TFAP2A: variants seen among roughly 807,000 people sequenced by gnomAD.
The protein encoded by TFAP2A is transcription factor AP-2 alpha, also known as transcription factor AP-2-alpha.
TFAP2A carries 7 observed loss-of-function variants against 41.5 expected under a neutral mutation model. The ratio of observed to expected loss-of-function variants is 0.17; its 90% CI spans 0.10 to 0.32. TFAP2A has a LOEUF of 0.32. Among genes scored for constraint, TFAP2A ranks in the 10% least tolerant of loss-of-function variants. The probability of loss-of-function intolerance (pLI) is 1.00; values close to 1 mark genes in which losing one functional copy is unlikely to be tolerated. For missense variants in TFAP2A, 416 were observed against 563.3 expected, an observed-to-expected ratio of 0.74 and a Z score of 2.65; for synonymous variants, 247 against 242.8, an observed-to-expected ratio of 1.02 and a Z score of -0.16.
At position 10,412,221 on chromosome 6, in the gene TFAP2A, G is replaced by A. The variant is rs541202974; in HGVS notation, c.52-1886C>T. 3.6e-4 allele frequency: 353 copies of A among 987,424 alleles called. 1 individual carries two copies. In the African/African-American group the frequency reaches 5.8e-3, roughly 16 times the overall value. The allele number at this position is 987,424 out of a possible 1,614,324, so 61.2% of individuals were successfully genotyped here. On this transcript the variant is annotated intron_variant, in intron 1 of 6. Transcript: ENST00000379613. ...AAAGCGAGCGAGAGAGGGAGCGGGC[G>A]AGCGCGCGGGGGGCCGCGGCGCGGC...
intron 5 of TFAP2A, chr6:10,402,284 A>G: frequency 3.1e-6 from 2 of 646,236 alleles, no homozygotes; most frequent in Non-Finnish European, 5.9e-6. Flanking sequence ...ACTTTATGGT[A>G]GAGGAAAAGA....
chr6:10,411,497 G>C, intron 1 of TFAP2A: 2 of 1,611,368 alleles, frequency 1.2e-6, no homozygotes, highest in Non-Finnish European at 1.7e-6. Flanking sequence ...GAGGTTTCGG[G>C]CAGCTCCACG....
At chr6:10,402,262 T>C (rs1402404222) in intron 5 of TFAP2A, 5 of 616,832 alleles carry the variant, frequency 8.1e-6, no homozygotes, top group Non-Finnish European at 1.6e-5. Context: ...AGAATTAGGC[T>C]GGGGAGGTGT....
intron 5 of TFAP2A, 143 bp downstream of exon 5, chr6:10,402,349 A>G: frequency 1.3e-6 from 1 of 764,824 alleles, no homozygotes; most frequent in East Asian, 2.5e-5. Context: ...TTGCCATGAA[A>G]TAATTCCATT....
Position 10,398,729 on chromosome 6 carries a change from G to C in TFAP2A, c.1032-24C>G. The C allele has an allele frequency of 6.2e-7, 1 of 1,613,360 alleles. No individual in the cohort carries two copies. Among genetic ancestry groups the C allele is most frequent in the African/African-American group, 1.3e-5 (1 of 75,038 alleles). On this transcript the variant is annotated intron_variant, in intron 6 of 6. Coordinates refer to ENST00000379613, the MANE Select transcript of TFAP2A (RefSeq NM_001372066.1). This position sits in a 1 kb window ranked among gnomAD's most constrained non-coding sequence, Gnocchi z 5.3. ...GTCTGCAGCACAAGTGGAGCAGAGA[G>C]AGAGACATAAGGCTCCACTATGGGC...
At chr6:10,415,392 T>A, upstream of TFAP2A, 2 of 658,880 alleles carry the variant, frequency 3.0e-6, no homozygotes, top group South Asian at 2.6e-5. Context: ...TATAAAGGCC[T>A]CTCTACGCCG....
upstream of TFAP2A, chr6:10,416,361 C>T (rs2113234182): frequency 6.6e-6 from 1 of 151,854 alleles, no homozygotes; most frequent in Admixed American, 6.6e-5. Flanking sequence ...TTTTGGACTC[C>T]TCACCGGGGC....
chr6:10,411,881 CA>C, intron 1 of TFAP2A: 1 of 1,320,786 alleles, frequency 7.6e-7, no homozygotes, highest in Non-Finnish European at 9.7e-7. Context: ...TGAAAAACCC[CA>C]AAAAAGGAAA....
intron 2 of TFAP2A, chr6:10,407,792 A>C (rs1298071962): frequency 6.6e-6 from 1 of 152,138 alleles, no homozygotes; most frequent in Non-Finnish European, 1.5e-5. Context: ...GCTCCTGTTA[A>C]TTGTGCCTGA....
chr6:10,397,855 G>C lies in TFAP2A; in HGVS notation c.*562C>G. On this transcript the variant is annotated 3_prime_UTR_variant, in exon 7 of 7. Coordinates refer to ENST00000379613, the MANE Select transcript of TFAP2A (RefSeq NM_001372066.1). Reference sequence around the variant, plus strand: ...AACTGAAGACATGACATGGAACTTCGTGTATTTGTGTTCAAGTTTATTCAC... The same window carrying C: ...AACTGAAGACATGACATGGAACTTCCTGTATTTGTGTTCAAGTTTATTCAC... 2.0e-6 allele frequency: 2 copies of C among 986,364 alleles called. 1 individual carries two copies. The highest frequency in any genetic ancestry group is 3.5e-5 in the African/African-American group (2 of 56,930). 61.1% of individuals were successfully genotyped at this position (986,364 alleles called of 1,614,324 possible).
At chr6:10,402,315 A>T in intron 5 of TFAP2A, 177 bp downstream of exon 5, 3 of 695,750 alleles carry the variant, frequency 4.3e-6, no homozygotes, top group Non-Finnish European at 8.1e-6. Context: ...ATGGAGGTAT[A>T]GGAGTACATG....
chr6:10,398,370 C>T lies in TFAP2A; in HGVS notation c.*47G>A. The T allele has an allele frequency of 1.5e-6, 2 of 1,326,418 alleles. No individual in the cohort carries two copies. The highest frequency in any genetic ancestry group is 2.0e-6 in the Non-Finnish European group (2 of 1,008,540). The allele number at this position is 1,326,418 out of a possible 1,614,324, so 82.2% of individuals were successfully genotyped here. ...GCTGTCACCCGCCGGAGGGTGGGCG[C>T]GCGGGGGGCTGGTGAGGCGTGGGAG... is the stretch of plus-strand genomic sequence containing the variant. On this transcript the variant is annotated 3_prime_UTR_variant, in exon 7 of 7. Coordinates refer to ENST00000379613, the MANE Select transcript of TFAP2A (RefSeq NM_001372066.1). The surrounding 1 kb of genome is among the most constrained non-coding windows in gnomAD (Gnocchi z 5.3).
intron 5 of TFAP2A, chr6:10,402,266 G>A: frequency 1.6e-6 from 1 of 623,698 alleles, no homozygotes; most frequent in Admixed American, 2.1e-5. Flanking sequence ...TTAGGCTGGG[G>A]AGGTGTAACT....
intron 1 of TFAP2A, chr6:10,411,664 CCGCCGCCCGAGCG>C (rs1757976848): frequency 1.4e-5 from 23 of 1,610,178 alleles, no homozygotes; most frequent in Middle Eastern, 1.9e-4. Context: ...CCCGGCTGCC[CCGCCGCCCGAGCG>C]CGCCCCACAC....
chr6:10,411,888 G>A, intron 1 of TFAP2A: 16 of 1,292,674 alleles, frequency 1.2e-5, no homozygotes, highest in East Asian at 7.3e-5. Context: ...CCCCAAAAAA[G>A]GAAAAAGGAA....
chr6:10,397,367 CA>C lies in TFAP2A; in HGVS notation c.*1049del, dbSNP rs1324040714. The stretch of plus-strand genomic sequence containing the variant: ...TCCCTACAATACATAGAAGGGTTAT[CA>C]AACCACTCAAGTTTCAAAATCTTTC... On this transcript the variant is annotated 3_prime_UTR_variant, in exon 7 of 7. Transcript: ENST00000379613. 1 of 151,922 alleles carries C rather than the reference CA, an allele frequency of 6.6e-6. No homozygotes were observed. Among genetic ancestry groups the C allele is most frequent in the Non-Finnish European group, 1.5e-5 (1 of 67,984 alleles). The allele number at this position is 151,922 out of a possible 1,614,324, so 9.4% of individuals were successfully genotyped here. A position where few individuals can be genotyped will look rare whatever the true frequency, so the allele number is the denominator to read the frequency against.
At chr6:10,419,329 C>A (rs1039533291), upstream of TFAP2A, 5 of 1,507,956 alleles carry the variant, frequency 3.3e-6, no homozygotes, top group African/African-American at 5.5e-5. Context: ...CCCTGGGCCA[C>A]GGCGCTTCCT....
upstream of TFAP2A, chr6:10,418,451 C>G (rs1304672560): frequency 1.3e-5 from 2 of 152,290 alleles, no homozygotes; most frequent in African/African-American, 4.8e-5. Flanking sequence ...ATCTCACCCT[C>G]ACCAGGCCTC....
chr6:10,416,596 C>T (rs1429812196), upstream of TFAP2A: 1 of 152,188 alleles, frequency 6.6e-6, no homozygotes, highest in African/African-American at 2.4e-5. Context: ...CAGAGTTGCT[C>T]TAGTAAGGAC....
Sources: allele counts gnomAD v4.1 joint callset, GRCh38; gene constraint gnomAD v4.1.1; non-coding constraint Gnocchi (gnomAD v3.1); transcripts MANE v1.5; gene names NCBI Gene and HGNC (gene_info 2026-07-23, HGNC 2026-07-21).